SAR1B: variants seen among roughly 807,000 people sequenced by gnomAD.
The protein encoded by SAR1B is secretion associated Ras related GTPase 1B.
A neutral mutation model predicts 26.8 loss-of-function variants in SAR1B; 23 were observed. That is an observed-to-expected ratio of 0.86 (90% confidence interval 0.62 to 1.22). The LOEUF (loss-of-function observed/expected upper bound fraction) is 1.22, where lower values mean the gene tolerates loss of function less well. Among genes scored for constraint, SAR1B ranks in the 50% most tolerant of loss-of-function variants. SAR1B has a pLI of 0.00. For missense variants in SAR1B, 196 were observed against 232.8 expected, an observed-to-expected ratio of 0.84 and a Z score of 1.03; for synonymous variants, 65 against 80.8, an observed-to-expected ratio of 0.80 and a Z score of 1.05.
chr5:134,619,941 AC>A (rs1477633821), intron 3 of SAR1B, among the ~76,000 whole-genome samples: 1 of 151,980 alleles, frequency 6.6e-6, no homozygotes, highest in African/African-American at 2.4e-5. Context: ...TGATCATACC[AC>A]GGCACTCCAA....
rs1443650207 is a variant in SAR1B, at chr5:134,603,027, A to G, written c.*3923T>C. ...ATATTTTATTCACTATTAATTTTGC[A>G]TTAAGAAACTTATGTTTGCTAATTT... On this transcript the variant is annotated 3_prime_UTR_variant, in exon 7 of 7. Coordinates refer to ENST00000402673, the MANE Select transcript of SAR1B (RefSeq NM_016103.4). 1 of 152,250 alleles carries G rather than the reference A, an allele frequency of 6.6e-6. No homozygotes were observed. Among genetic ancestry groups the G allele is most frequent in the Non-Finnish European group, 1.5e-5 (1 of 68,048 alleles). The allele number at this position is 152,250 out of a possible 1,614,324, so 9.4% of individuals were successfully genotyped here.
At chr5:134,608,018 T>C (rs964090913) in intron 6 of SAR1B, among the ~76,000 whole-genome samples, 4 of 152,184 alleles carry the variant, frequency 2.6e-5, no homozygotes, top group Non-Finnish European at 5.9e-5. Context: ...TATGTCTTAT[T>C]TATCTCTGGT....
In SAR1B at chr5:134,601,486, A is replaced by G. The variant is rs1668581441; in HGVS notation, c.*5464T>C. ...TACTTTACATTCAGCCAAATACTGA[A>G]GGTTTCACCATGGAAAAACACTTTT... On this transcript the variant is annotated 3_prime_UTR_variant, in exon 7 of 7. Coordinates refer to ENST00000402673, the MANE Select transcript of SAR1B (RefSeq NM_016103.4). The G allele has an allele frequency of 6.6e-6, 1 of 152,216 alleles. No individual in the cohort carries two copies. The highest frequency in any genetic ancestry group is 6.5e-5 in the Admixed American group (1 of 15,274). The allele number at this position is 152,216 out of a possible 1,614,324, so 9.4% of individuals were successfully genotyped here.
At chr5:134,609,152 G>A (rs1199073448) in intron 5 of SAR1B, 1 of 456,686 alleles carries the variant, frequency 2.2e-6, no homozygotes, top group South Asian at 1.6e-5. Context: ...CTGGAGGGGA[G>A]GTAGCTACAT....
At position 134,612,680 on chromosome 5, in the gene SAR1B, A is replaced by AAAAAAAAAAAAAAAAAAAAAAT; in HGVS notation, c.244+10_244+11insATTTTTTTTTTTTTTTTTTTTT. 3.8e-6 allele frequency: 4 copies of AAAAAAAAAAAAAAAAAAAAAAT among 1,043,432 alleles called. No individual in the cohort carries two copies. The highest frequency in any genetic ancestry group is 5.3e-6 in the Non-Finnish European group (4 of 760,636). 64.6% of individuals were successfully genotyped at this position (1,043,432 alleles called of 1,614,324 possible). ...AAAAAAAAAAAAAAAAAAAAAAAAA[A>AAAAAAAAAAAAAAAAAAAAAAT]AGAATCTTACCTTGAACATGTCCAC... On this transcript the variant is annotated intron_variant, in intron 4 of 6. Transcript: ENST00000402673.
intron 1 of SAR1B, among the ~76,000 whole-genome samples, chr5:134,628,326 T>A (rs1765536118): frequency 6.9e-6 from 1 of 145,750 alleles, no homozygotes; most frequent in African/African-American, 2.5e-5. Flanking sequence ...TCAGGGGTCC[T>A]GTAAAAAAAA....
At position 134,608,908 on chromosome 5, in the gene SAR1B, G is replaced by A. The variant is rs1184680260; in HGVS notation, c.349-405C>T. On this transcript the variant is annotated intron_variant, in intron 5 of 6. Transcript: ENST00000402673. ...AATTGAGAATTAAATCAAGTAATAC[G>A]CACAGTCTCTGGAACAAAGTAGGAA... The A allele has an allele frequency of 9.7e-5, 35 of 362,594 alleles. 1 individual carries two copies. The East Asian group carries it at 2.5e-3, about 26-fold the overall frequency. 22.5% of individuals were successfully genotyped at this position (362,594 alleles called of 1,614,324 possible). A position where few individuals can be genotyped will look rare whatever the true frequency, so the allele number is the denominator to read the frequency against.
At chr5:134,619,827 G>A (rs968716406) in intron 3 of SAR1B, among the ~76,000 whole-genome samples, 40 of 152,096 alleles carry the variant, frequency 2.6e-4, no homozygotes, top group African/African-American at 9.4e-4. Context: ...CTGAATTAGT[G>A]CTTAAAATAG....
At chr5:134,615,494 AAC>A (rs1355062093) in intron 3 of SAR1B, among the ~76,000 whole-genome samples, 1 of 139,708 alleles carries the variant, frequency 7.2e-6, no homozygotes, top group African/African-American at 2.7e-5. Context: ...CAGCCTGGGC[AAC>A]AGAGAGAGAT....
chr5:134,609,508 G>T, intron 5 of SAR1B, 63 bp downstream of exon 5: 1 of 1,338,218 alleles, frequency 7.5e-7, no homozygotes, highest in Non-Finnish European at 1.1e-6. Context: ...CTGTATCTCT[G>T]ACCTACTTCT....
intron 3 of SAR1B, among the ~76,000 whole-genome samples, chr5:134,617,488 G>C (rs985161355): frequency 6.6e-6 from 1 of 152,128 alleles, no homozygotes; most frequent in Non-Finnish European, 1.5e-5. Context: ...AATGTGAGCT[G>C]CAGGAAAGGT....
chr5:134,608,181 T>C (rs1044913779), intron 6 of SAR1B, among the ~76,000 whole-genome samples, 191 bp downstream of exon 6: 1 of 152,204 alleles, frequency 6.6e-6, no homozygotes, highest in Non-Finnish European at 1.5e-5. Context: ...CTTGACATTT[T>C]TGTTGTCACC....
chr5:134,611,763 T>C (rs1343846592), intron 4 of SAR1B, among the ~76,000 whole-genome samples: 5 of 151,870 alleles, frequency 3.3e-5, no homozygotes, highest in Admixed American at 3.3e-4. Flanking sequence ...CCTAAAGGGG[T>C]TACTCATGTG....
At chr5:134,619,102 G>T (rs1765361707) in intron 3 of SAR1B, among the ~76,000 whole-genome samples, 2 of 151,830 alleles carry the variant, frequency 1.3e-5, no homozygotes, top group Non-Finnish European at 2.9e-5. Flanking sequence ...GACTGAGGTG[G>T]GCGGATCATC....
chr5:134,623,842 C>T, intron 2 of SAR1B, 120 bp downstream of exon 2: 2 of 728,768 alleles, frequency 2.7e-6, no homozygotes, highest in Non-Finnish European at 5.0e-6. Flanking sequence ...GATTTCAAAG[C>T]CCATATTCTT....
At chr5:134,617,077 A>G (rs112883034) in intron 3 of SAR1B, among the ~76,000 whole-genome samples, 1 of 152,036 alleles carries the variant, frequency 6.6e-6, no homozygotes, top group Non-Finnish European at 1.5e-5. Context: ...CAAATAAATT[A>G]AAAAATTAGC....
At chr5:134,608,635 TC>T in intron 5 of SAR1B, 132 bp from the exon 6 acceptor site, 2 of 1,003,610 alleles carry the variant, frequency 2.0e-6, no homozygotes, top group Non-Finnish European at 3.0e-6. Flanking sequence ...TGTCAAACTT[TC>T]CCCACATTTT....
rs1401946985 is a variant in SAR1B at position 134,609,632 on chromosome 5, A to T, written c.287T>A (p.Ile96Asn). The stretch of plus-strand genomic sequence containing the variant: ...GTCTGCACAATCCACCAGAAATACA[A>T]TGCCATTGATAGCAGGAAGGTAGTT... ...WKNYLPAING[I>N]VFLVDCADHE... is the part of the protein sequence containing the mutation. The change falls in exon 5 of 7, where the codon ATT becomes AAT. Residue 96 changes from isoleucine (I) to asparagine (N), a missense_variant. Ile to Asn is a moderately radical substitution (Grantham distance 149). Transcript: ENST00000402673. The T allele has an allele frequency of 6.2e-7, 1 of 1,614,016 alleles. No individual in the cohort carries two copies. Among genetic ancestry groups the T allele is most frequent in the Non-Finnish European group, 8.5e-7 (1 of 1,180,018 alleles).
intron 1 of SAR1B, among the ~76,000 whole-genome samples, chr5:134,628,487 G>A (rs746518829): frequency 6.6e-6 from 1 of 152,096 alleles, no homozygotes; most frequent in African/African-American, 2.4e-5. Flanking sequence ...GCATGGTAAT[G>A]CTATGGTGAA....
Sources: gnomAD v4.1 joint callset for allele counts (sites outside exome capture counted in the v4.1 genomes callset) on GRCh38, gnomAD v4.1.1 for gene constraint, MANE v1.5 for transcripts, NCBI Gene and HGNC (gene_info 2026-07-23, HGNC 2026-07-21) for gene names.